CCDC171: variants seen among roughly 807,000 people sequenced by gnomAD.
The protein encoded by CCDC171 is coiled-coil domain containing 171, also known as coiled-coil domain-containing protein 171.
In CCDC171, 177 loss-of-function variants were observed where a neutral mutation model predicts 168.2. The ratio of observed to expected loss-of-function variants is 1.05; its 90% confidence interval spans 0.93 to 1.19. CCDC171 has a LOEUF of 1.19. Ranked by LOEUF, CCDC171 falls within the 50% of genes most tolerant of loss-of-function variation. The pLI, the probability that CCDC171 is intolerant of heterozygous loss-of-function variation, is 0.00. For missense variants in CCDC171, 1,991 were observed against 1,539.0 expected (o/e 1.29, Z -4.91); for synonymous variants, 687 against 540.8 (o/e 1.27, Z -3.75).
chr9:15,882,996 T>TGCCTGCCTGCCTGCCTG (rs1428967904), intron 24 of CCDC171: 59 of 6,510 alleles, frequency 9.1e-3, no homozygotes, highest in African/African-American at 0.041. Flanking sequence ...CTGCCTGCCT[T>TGCCTGCCTGCCTGCCTG]CCTTCCTTCC....
the CCDC171 span, among the ~76,000 whole-genome samples, chr9:16,097,507 A>G: frequency 3.9e-4 from 60 of 152,344 alleles, no homozygotes; most frequent in African/African-American, 1.4e-3. Flanking sequence ...GTTCAGTGAA[A>G]TTAAGTACTG....
intron 10 of CCDC171, among the ~76,000 whole-genome samples, chr9:15,684,928 G>T (rs367945064): frequency 6.6e-6 from 1 of 152,102 alleles, no homozygotes; most frequent in African/African-American, 2.4e-5. Context: ...AAAGTAGTCC[G>T]TGGGTCATGT....
At chr9:16,099,937 A>G in the CCDC171 span, among the ~76,000 whole-genome samples, 2 of 152,254 alleles carry the variant, frequency 1.3e-5, no homozygotes, top group African/African-American at 4.8e-5. Flanking sequence ...CTGTGGAAAA[A>G]GGCCAGTCTA....
At chr9:16,093,312 A>G in the CCDC171 span, among the ~76,000 whole-genome samples, 5 of 152,264 alleles carry the variant, frequency 3.3e-5, no homozygotes, top group East Asian at 7.7e-4. Flanking sequence ...TGGTGGGCCA[A>G]CCTACCTGAT....
chr9:15,807,495 A>G lies in CCDC171; in HGVS notation c.3267+22801A>G, dbSNP rs536378261. 1.4e-3 allele frequency among the ~76,000 whole-genome samples: 217 copies of G among 152,260 alleles called. 1 individual carries two copies. The highest frequency in any genetic ancestry group is 5.0e-3 in the African/African-American group (208 of 41,552). The stretch of plus-strand genomic sequence containing the variant: ...TACTCAGGGATGGTTAAGCCTTACT[A>G]CTGAGGTATGGTCCTTCTGGGATCT... On this transcript the variant is annotated intron_variant, in intron 21 of 25. Transcript: ENST00000380701.
the CCDC171 span, among the ~76,000 whole-genome samples, chr9:16,092,727 A>T: frequency 0.18 from 27,447 of 152,004 alleles, 2,591 homozygotes; most frequent in Non-Finnish European, 0.2. Flanking sequence ...TCCTTTTGCA[A>T]GTTTACCCTG....
chr9:15,875,178 T>C (rs1304362178), intron 24 of CCDC171: 1 of 152,108 alleles, frequency 6.6e-6, no homozygotes, highest in Non-Finnish European at 1.5e-5. Flanking sequence ...TGTTTTCTAT[T>C]GAAGAGTATT....
downstream of CCDC171, among the ~76,000 whole-genome samples, chr9:15,976,520 G>T (rs978913703): frequency 6.6e-5 from 10 of 151,890 alleles, no homozygotes; most frequent in African/African-American, 2.2e-4. Flanking sequence ...ATATCTTAAA[G>T]ATCTACTTTA....
intron 7 of CCDC171, among the ~76,000 whole-genome samples, chr9:15,644,642 T>C (rs772715415): frequency 1.3e-5 from 2 of 152,216 alleles, no homozygotes; most frequent in Non-Finnish European, 2.9e-5. Flanking sequence ...GCCTCGCTTA[T>C]TGCTAGCACA....
intron 6 of CCDC171, among the ~76,000 whole-genome samples, chr9:15,613,440 C>T (rs757786539): frequency 6.6e-6 from 1 of 151,844 alleles, no homozygotes; most frequent in Non-Finnish European, 1.5e-5. Flanking sequence ...TCATATTAAA[C>T]ATTGAAATAA....
In CCDC171 at chr9:15,762,292, T is replaced by C. The variant is rs1046321325; in HGVS notation, c.2672-15308T>C. ...AATCTGTACTAAAATATTACAGATA[T>C]ATTTAGAAAAAATTTTTACCTCCTT... On this transcript the variant is annotated intron_variant, in intron 18 of 25. Coordinates refer to ENST00000380701, the MANE Select transcript of CCDC171 (RefSeq NM_173550.4). 7.2e-4 allele frequency among the ~76,000 whole-genome samples: 109 copies of C among 151,950 alleles called. 1 individual carries two copies. Among genetic ancestry groups the C allele is most frequent in the African/African-American group, 2.4e-3 (100 of 41,376 alleles).
intron 25 of CCDC171, among the ~76,000 whole-genome samples, chr9:15,970,375 G>C (rs1355263697): frequency 6.6e-6 from 1 of 151,618 alleles, no homozygotes; most frequent in African/African-American, 2.4e-5. Context: ...TATCAAAACT[G>C]TAAGAGGATC....
Position 15,896,255 on chromosome 9 carries a change from C to T in CCDC171, c.3600+21592C>T, listed in dbSNP as rs944471669. ...TTTGGCACATTTAAGTTGTATATGC[C>T]ATGGTTGAGTGGAAGCCAGAAAAAA... On this transcript the variant is annotated intron_variant, in intron 24 of 25. Transcript: ENST00000380701. 3.3e-5 allele frequency among the ~76,000 whole-genome samples: 5 copies of T among 151,738 alleles called. 1 individual carries two copies. The highest frequency in any genetic ancestry group is 7.4e-5 in the Non-Finnish European group (5 of 67,900).
chr9:15,970,236 A>C (rs1831213259), intron 25 of CCDC171, among the ~76,000 whole-genome samples: 1 of 151,206 alleles, frequency 6.6e-6, no homozygotes, highest in South Asian at 2.1e-4. Context: ...AAATGGTAAC[A>C]CATACAACAG....
intron 5 of CCDC171, among the ~76,000 whole-genome samples, chr9:15,592,766 C>T (rs1442193221): frequency 8.6e-5 from 13 of 152,004 alleles, no homozygotes; most frequent in Admixed American, 8.5e-4. Context: ...ATTTCTTCAG[C>T]CAGTCAGCTT....
At chr9:15,607,215 T>C (rs138360787) in intron 6 of CCDC171, among the ~76,000 whole-genome samples, 1 of 152,234 alleles carries the variant, frequency 6.6e-6, no homozygotes, top group East Asian at 1.9e-4. Flanking sequence ...ACCTAGATCA[T>C]GTTAGTGTGT....
At chr9:15,652,039 G>A (rs2047567301) in intron 7 of CCDC171, among the ~76,000 whole-genome samples, 1 of 152,058 alleles carries the variant, frequency 6.6e-6, no homozygotes, top group Non-Finnish European at 1.5e-5. Flanking sequence ...CTCCCAAGTA[G>A]CTGGGACCAT....
intron 20 of CCDC171, 67 bp downstream of exon 20, chr9:15,779,217 T>G (rs2057522094): frequency 2.2e-6 from 2 of 901,422 alleles, no homozygotes; most frequent in South Asian, 8.8e-5. Flanking sequence ...TATATCCTTT[T>G]TTCCTTAACT....
chr9:15,580,188 C>G (rs2041001252), intron 4 of CCDC171, among the ~76,000 whole-genome samples: 1 of 152,146 alleles, frequency 6.6e-6, no homozygotes, highest in Non-Finnish European at 1.5e-5. Flanking sequence ...GAAGCTGGAT[C>G]TTTATCTCTC....
Sources: allele counts gnomAD v4.1 joint callset (sites outside exome capture counted in the v4.1 genomes callset), GRCh38; gene constraint gnomAD v4.1.1; transcripts MANE v1.5; gene names NCBI Gene and HGNC (gene_info 2026-07-23, HGNC 2026-07-21).